Variants in PIK3AP1 observed in about 807,000 individuals in gnomAD.
The protein encoded by PIK3AP1 is phosphoinositide 3-kinase adapter protein 1.
Under a neutral mutation model 88.1 loss-of-function variants are expected in PIK3AP1, and 21 were observed. That is an observed-to-expected ratio of 0.24 (90% CI 0.17 to 0.34). PIK3AP1 has a LOEUF of 0.34. Among genes scored for constraint, PIK3AP1 ranks in the 10% least tolerant of loss-of-function variants. The pLI, the probability that PIK3AP1 is intolerant of heterozygous loss-of-function variation, is 1.00. For synonymous variants in PIK3AP1, 398 were observed against 400.0 expected (o/e 1.00, Z 0.06); for missense variants, 828 against 1,035.7 (o/e 0.80, Z 2.75).
intron 10 of PIK3AP1, among the ~76,000 whole-genome samples, chr10:96,626,256 G>A (rs1294478624): frequency 6.6e-6 from 1 of 152,142 alleles, no homozygotes; most frequent in Non-Finnish European, 1.5e-5. Flanking sequence ...TTTTGGCTTT[G>A]CTATGCAATG....
intron 1 of PIK3AP1, among the ~76,000 whole-genome samples, chr10:96,717,631 A>C (rs1245798485): frequency 6.6e-6 from 1 of 152,202 alleles, no homozygotes. Context: ...GAAGGATCTA[A>C]AGAGAAGAGC....
At chr10:96,644,405 G>C (rs1269894260) in intron 8 of PIK3AP1, among the ~76,000 whole-genome samples, 1 of 152,142 alleles carries the variant, frequency 6.6e-6, no homozygotes, top group African/African-American at 2.4e-5. Flanking sequence ...AATGTCAGCA[G>C]ATATAAGCAA....
chr10:96,611,599 A>G (rs546296147), intron 13 of PIK3AP1, among the ~76,000 whole-genome samples: 71 of 152,236 alleles, frequency 4.7e-4, no homozygotes, highest in Non-Finnish European at 8.4e-4. Context: ...CCTCCCGAGT[A>G]GCTGGGACTA....
Position 96,628,224 on chromosome 10 carries a change from G to A in PIK3AP1, c.1471+174C>T, listed in dbSNP as rs566658231. ...CCTGGCCCACCTCTAAAGGGCTGAC[G>A]GGGGAGCTCAGGGTAGAGGGGTCGG... On this transcript the variant is annotated intron_variant, in intron 9 of 16. Transcript: ENST00000339364. Among the ~76,000 whole-genome samples, 12 of 152,266 alleles carry A rather than the reference G, an allele frequency of 7.9e-5. No individual in the cohort carries two copies. In the East Asian group the frequency reaches 1.4e-3, roughly 17 times the overall value.
chr10:96,601,473 CAA>C (rs11407501), intron 16 of PIK3AP1, among the ~76,000 whole-genome samples: 93 of 75,488 alleles, frequency 1.2e-3, no homozygotes, highest in African/African-American at 4.3e-3. Context: ...GAATCTATCT[CAA>C]AAAAAAAAAA....
At chr10:96,599,792 C>G (rs376647587) in intron 16 of PIK3AP1, among the ~76,000 whole-genome samples, 2 of 152,304 alleles carry the variant, frequency 1.3e-5, no homozygotes, top group East Asian at 3.9e-4. Context: ...CTATCAATTA[C>G]AAACTGCTTC....
At position 96,720,265 on chromosome 10, in the gene PIK3AP1, G is replaced by T; in HGVS notation, c.13+117C>A. ...GGAACATAGAAAAGAGCAGAAAGAGGGCAAGATCCCCGCACAGAGGACGCA... is the reference window on the plus strand; with the variant it reads ...GGAACATAGAAAAGAGCAGAAAGAGTGCAAGATCCCCGCACAGAGGACGCA... On this transcript the variant is annotated intron_variant, in intron 1 of 16. Transcript: ENST00000339364. The surrounding 1 kb of genome is among the most constrained non-coding windows in gnomAD (Gnocchi z 4.6). 9.7e-7 allele frequency: 1 copy of T among 1,034,482 alleles called. No individual in the cohort carries two copies. Among genetic ancestry groups the T allele is most frequent in the Non-Finnish European group, 1.2e-6 (1 of 803,998 alleles). 64.1% of individuals were successfully genotyped at this position (1,034,482 alleles called of 1,614,324 possible).
rs141067860 is a variant in PIK3AP1, at chr10:96,609,806, T to A, written c.2076A>T (p.Gly692=). 4 of 1,614,068 alleles carry A rather than the reference T, an allele frequency of 2.5e-6. No individual in the cohort carries two copies. The East Asian group carries it at 8.9e-5, about 36-fold the overall frequency. ...SQHLPAKVEF[G]VYESGPRKSV... is the part of the protein sequence containing the mutation. ...TTTTCCTGGGGCCACTCTCATAGAC[T>A]CCAAACTCCACTTTTGCAGGCAGGT... The change falls in exon 14 of 17, where the codon GGA becomes GGT. Residue 692 remains glycine (G), a synonymous_variant. Transcript: ENST00000339364.
At chr10:96,706,104 A>G (rs1422039454) in intron 2 of PIK3AP1, among the ~76,000 whole-genome samples, 1 of 151,668 alleles carries the variant, frequency 6.6e-6, no homozygotes, top group Admixed American at 6.6e-5. Context: ...CGTGTTAGCC[A>G]GGATGGTCTC....
chr10:96,660,820 A>G (rs190404909), intron 2 of PIK3AP1, among the ~76,000 whole-genome samples: 27 of 152,274 alleles, frequency 1.8e-4, no homozygotes, highest in Admixed American at 4.6e-4. Context: ...ACTATTCTGC[A>G]CCAAAAAGAA....
rs1021952884 is a variant in PIK3AP1, at chr10:96,651,163, G to A, written c.988+85C>T. 7 of 1,547,604 alleles carry A rather than the reference G, an allele frequency of 4.5e-6. No homozygotes were observed. The Admixed American group carries it at 1.2e-4, about 26-fold the overall frequency. ...GGACCCAGAAGAGTTACAGCAGAAG[G>A]TAAACGCGTATGTTGATGGGATGCT... is the stretch of plus-strand genomic sequence containing the variant. On this transcript the variant is annotated intron_variant, in intron 6 of 16. Transcript: ENST00000339364.
chr10:96,617,473 G>A (rs1055457948), intron 12 of PIK3AP1, among the ~76,000 whole-genome samples: 1 of 152,198 alleles, frequency 6.6e-6, no homozygotes. Context: ...GCTGCAGGCT[G>A]AAGAGACTCA....
chr10:96,627,049 C>T (rs1017133947), intron 9 of PIK3AP1, 144 bp from the exon 10 acceptor site: 14 of 740,516 alleles, frequency 1.9e-5, no homozygotes, highest in African/African-American at 1.6e-4. Flanking sequence ...CTTCCTGTAT[C>T]GTCTGCTCAG....
intron 2 of PIK3AP1, among the ~76,000 whole-genome samples, chr10:96,660,754 C>T (rs1843675051): frequency 6.6e-6 from 1 of 152,090 alleles, no homozygotes; most frequent in South Asian, 2.1e-4. Flanking sequence ...TGGAAGTGAC[C>T]AAGATGTCCT....
At chr10:96,648,132 G>A (rs564818234) in intron 7 of PIK3AP1, among the ~76,000 whole-genome samples, 1 of 152,266 alleles carries the variant, frequency 6.6e-6, no homozygotes, top group East Asian at 1.9e-4. Context: ...CTTTCCAGGT[G>A]CACAGCTTTA....
chr10:96,613,553 T>A (rs1849162923), intron 13 of PIK3AP1, among the ~76,000 whole-genome samples: 2 of 152,194 alleles, frequency 1.3e-5, no homozygotes, highest in Non-Finnish European at 2.9e-5. Context: ...GAAAATATCC[T>A]TGTCAGAGGG....
chr10:96,616,050 C>T (rs553835940), intron 13 of PIK3AP1, among the ~76,000 whole-genome samples: 14 of 152,296 alleles, frequency 9.2e-5, no homozygotes, highest in East Asian at 7.7e-4. Context: ...TGTGGGTAAA[C>T]GCCAACTTCT....
intron 1 of PIK3AP1, among the ~76,000 whole-genome samples, chr10:96,719,274 C>T (rs1410747221): frequency 6.6e-6 from 1 of 152,170 alleles, no homozygotes; most frequent in Non-Finnish European, 1.5e-5. Flanking sequence ...TTACCAGACC[C>T]TCAGAGGATC....
At chr10:96,719,737 G>T (rs1344013020) in intron 1 of PIK3AP1, among the ~76,000 whole-genome samples, 3 of 152,118 alleles carry the variant, frequency 2.0e-5, no homozygotes, top group Non-Finnish European at 4.4e-5. Context: ...CAGAAAAGAC[G>T]CTTGGCACCC....
Sources: gnomAD v4.1 joint callset for allele counts (sites outside exome capture counted in the v4.1 genomes callset) on GRCh38, gnomAD v4.1.1 for gene constraint, Gnocchi (gnomAD v3.1) non-coding constraint, MANE v1.5 for transcripts, NCBI Gene and HGNC (gene_info 2026-07-23, HGNC 2026-07-21) for gene names.